ADSS2: variants seen among roughly 807,000 people sequenced by gnomAD.
ADSS2 encodes the protein adenylosuccinate synthetase isozyme 2.
In ADSS2, 30 loss-of-function variants were observed where a neutral mutation model predicts 60.0. That is an observed-to-expected ratio of 0.50 (90% CI 0.37 to 0.68). The LOEUF (loss-of-function observed/expected upper bound fraction) is 0.68, where lower values mean the gene tolerates loss of function less well. Ranked by LOEUF, ADSS2 falls within the 30% of genes least tolerant of loss-of-function variation. The probability of loss-of-function intolerance (pLI) is 0.00; values close to 1 mark genes in which losing one functional copy is unlikely to be tolerated. For missense variants in ADSS2, 373 were observed against 554.8 expected, an observed-to-expected ratio of 0.67 and a Z score of 3.29; for synonymous variants, 187 against 193.1, an observed-to-expected ratio of 0.97 and a Z score of 0.26.
chr1:244,433,106 G>C (rs992550582), intron 3 of ADSS2, among the ~76,000 whole-genome samples: 15 of 152,016 alleles, frequency 9.9e-5, no homozygotes, highest in African/African-American at 3.6e-4. Context: ...TGTGGTGGTG[G>C]GTGCATCTAA....
intron 4 of ADSS2, among the ~76,000 whole-genome samples, chr1:244,432,083 A>G (rs1664958727): frequency 6.6e-6 from 1 of 152,234 alleles, no homozygotes; most frequent in Non-Finnish European, 1.5e-5. Context: ...GAAAAATAAC[A>G]GAGAAGAAAA....
intron 1 of ADSS2, among the ~76,000 whole-genome samples, chr1:244,443,724 C>T (rs1461465039): frequency 6.6e-6 from 1 of 152,164 alleles, no homozygotes; most frequent in Non-Finnish European, 1.5e-5. Flanking sequence ...TCAGTCCGCA[C>T]AACACCCCTA....
intron 4 of ADSS2, among the ~76,000 whole-genome samples, chr1:244,426,239 C>T (rs12410794): frequency 0.073 from 11,097 of 152,122 alleles, 582 homozygotes; most frequent in Admixed American, 0.15. Flanking sequence ...AATAAAAAGA[C>T]ATTTGAATGT....
In ADSS2 at chr1:244,451,887, G is replaced by A. The variant is rs1665630240; in HGVS notation, c.-70C>T. Reference sequence around the variant, plus strand: ...AGGAGTGAGCGAACTGAACTGCTCTGCGGCCGCCAGCCACATGCAGAGGAA... The same window carrying A: ...AGGAGTGAGCGAACTGAACTGCTCTACGGCCGCCAGCCACATGCAGAGGAA... On this transcript the variant is annotated 5_prime_UTR_variant, in exon 1 of 13. Transcript: ENST00000366535. This position sits in a 1 kb window ranked among gnomAD's most constrained non-coding sequence, Gnocchi z 6.6. 1 of 1,392,066 alleles carries A rather than the reference G, an allele frequency of 7.2e-7. No homozygotes were observed. Among genetic ancestry groups the A allele is most frequent in the African/African-American group, 1.5e-5 (1 of 67,294 alleles). 86.2% of individuals were successfully genotyped at this position (1,392,066 alleles called of 1,614,324 possible). A position where few individuals can be genotyped will look rare whatever the true frequency, so the allele number is the denominator to read the frequency against.
intron 11 of ADSS2, among the ~76,000 whole-genome samples, chr1:244,411,986 C>T (rs1001788814): frequency 6.6e-6 from 1 of 152,156 alleles, no homozygotes; most frequent in Non-Finnish European, 1.5e-5. Flanking sequence ...TGGTACTCTG[C>T]CCAGATTTCT....
chr1:244,435,071 G>A (rs1240461377), intron 3 of ADSS2, among the ~76,000 whole-genome samples: 11 of 148,246 alleles, frequency 7.4e-5, no homozygotes, highest in Non-Finnish European at 1.2e-4. Context: ...AGAAAGCTGA[G>A]GCAGGAGAAT....
At chr1:244,424,127 T>C in intron 5 of ADSS2, 67 bp from the exon 6 acceptor site, 1 of 1,363,288 alleles carries the variant, frequency 7.3e-7, no homozygotes, top group Non-Finnish European at 1.0e-6. Context: ...GTCAGATCAT[T>C]GCAGTGAATA....
chr1:244,446,188 T>C (rs1446229662), intron 1 of ADSS2, among the ~76,000 whole-genome samples: 3 of 152,200 alleles, frequency 2.0e-5, no homozygotes, highest in East Asian at 1.9e-4. Flanking sequence ...AGGGTAAAGA[T>C]TGTAAGATCT....
intron 1 of ADSS2, among the ~76,000 whole-genome samples, chr1:244,447,021 T>C (rs750437328): frequency 1.6e-4 from 25 of 152,212 alleles, no homozygotes; most frequent in Non-Finnish European, 8.8e-5. Flanking sequence ...ATATAAATTT[T>C]GGTTCAATGT....
In ADSS2 at chr1:244,451,508, A is replaced by C; in HGVS notation, c.183+127T>G. On this transcript the variant is annotated intron_variant, in intron 1 of 12. Coordinates refer to ENST00000366535, the MANE Select transcript of ADSS2 (RefSeq NM_001126.5). This position sits in a 1 kb window ranked among gnomAD's most constrained non-coding sequence, Gnocchi z 6.6. ...TAGCCGCAGCTCAGGACAGGAGGAG[A>C]GAGCCTCAAGGTGACACCTCATTTT... The C allele has an allele frequency of 9.6e-7, 1 of 1,039,638 alleles. No individual in the cohort carries two copies. The highest frequency in any genetic ancestry group is 1.4e-6 in the Non-Finnish European group (1 of 735,470). 64.4% of individuals were successfully genotyped at this position (1,039,638 alleles called of 1,614,324 possible). A position where few individuals can be genotyped will look rare whatever the true frequency, so the allele number is the denominator to read the frequency against.
intron 3 of ADSS2, 25 bp downstream of exon 3, chr1:244,436,800 A>C: frequency 6.3e-7 from 1 of 1,574,918 alleles, no homozygotes; most frequent in Non-Finnish European, 8.7e-7. Flanking sequence ...ACAACTGGTT[A>C]CCAAGTAGAC....
intron 4 of ADSS2, among the ~76,000 whole-genome samples, chr1:244,429,177 A>T (rs1337954082): frequency 6.6e-6 from 1 of 152,202 alleles, no homozygotes; most frequent in African/African-American, 2.4e-5. Context: ...CTGATTGGGG[A>T]ACTAATGACC....
Position 244,451,540 on chromosome 1 carries a change from T to C in ADSS2, c.183+95A>G. The C allele has an allele frequency of 1.5e-6, 2 of 1,361,660 alleles. No individual in the cohort carries two copies. The allele number at this position is 1,361,660 out of a possible 1,614,324, so 84.3% of individuals were successfully genotyped here. Reference sequence around the variant, plus strand: ...CAAGGTGACACCTCATTTTGGCCAGTGGATCCGGGTTCTGGGTCCGAGTTC... The same window carrying C: ...CAAGGTGACACCTCATTTTGGCCAGCGGATCCGGGTTCTGGGTCCGAGTTC... On this transcript the variant is annotated intron_variant, in intron 1 of 12. Coordinates refer to ENST00000366535, the MANE Select transcript of ADSS2 (RefSeq NM_001126.5). This position sits in a 1 kb window ranked among gnomAD's most constrained non-coding sequence, Gnocchi z 6.6.
chr1:244,418,371 G>T (rs1430864319), intron 9 of ADSS2, among the ~76,000 whole-genome samples: 1 of 152,120 alleles, frequency 6.6e-6, no homozygotes, highest in Non-Finnish European at 1.5e-5. Context: ...GCGCCGGCTG[G>T]AGTGCCATGG....
At chr1:244,429,470 G>A (rs1664880610) in intron 4 of ADSS2, among the ~76,000 whole-genome samples, 1 of 152,172 alleles carries the variant, frequency 6.6e-6, no homozygotes, top group Admixed American at 6.5e-5. Flanking sequence ...GGTGACAGCG[G>A]GAGTCTCTAA....
intron 8 of ADSS2, among the ~76,000 whole-genome samples, chr1:244,419,471 C>A (rs1252978219): frequency 6.6e-6 from 1 of 152,188 alleles, no homozygotes; most frequent in Non-Finnish European, 1.5e-5. Context: ...CAAGTAGACA[C>A]TCTGTTTTCT....
intron 12 of ADSS2, among the ~76,000 whole-genome samples, chr1:244,410,372 C>T (rs764384659): frequency 6.6e-6 from 1 of 152,090 alleles, no homozygotes; most frequent in African/African-American, 2.4e-5. Context: ...GCCAACAAAA[C>T]GATACAAGGA....
chr1:244,418,794 A>G lies in ADSS2; in HGVS notation c.911T>C (p.Val304Ala). ...YGVVKAYTTR[V>A]GIGAFPTEQD... ...CTCTGTAGGAAAGGCACCAATACCA[A>G]CTCTAGTTGTATAAGCTTTCACAAC... The change falls in exon 9 of 13, where the codon GTT becomes GCT. Residue 304 changes from valine to alanine, a missense_variant. Transcript: ENST00000366535. The G allele has an allele frequency of 6.2e-7, 1 of 1,613,610 alleles. No individual in the cohort carries two copies. Among genetic ancestry groups the G allele is most frequent in the Non-Finnish European group, 8.5e-7 (1 of 1,179,838 alleles).
rs758598722 is a variant in ADSS2 at position 244,451,689 on chromosome 1, T to C, written c.129A>G (p.Lys43=). ...GCGCCAGCAGGTCCACCACCTTCCC[T>C]TTGCCTTCGTCGCCCCACTGCGCAC... ...VLGAQWGDEG[K]GKVVDLLAQD... The change falls in exon 1 of 13, where the codon AAA becomes AAG. Residue 43 remains lysine, a synonymous_variant. Transcript: ENST00000366535. The surrounding 1 kb of genome is among the most constrained non-coding windows in gnomAD (Gnocchi z 6.6). 6.2e-7 allele frequency: 1 copy of C among 1,612,374 alleles called. No individual in the cohort carries two copies.
Sources: gnomAD v4.1 joint callset for allele counts (sites outside exome capture counted in the v4.1 genomes callset) on GRCh38, gnomAD v4.1.1 for gene constraint, Gnocchi (gnomAD v3.1) non-coding constraint, MANE v1.5 for transcripts, NCBI Gene and HGNC (gene_info 2026-07-23, HGNC 2026-07-21) for gene names.